Variants in MAGI2 observed in about 807,000 individuals in gnomAD.
The protein encoded by MAGI2 is membrane associated guanylate kinase, WW and PDZ domain containing 2, also known as membrane-associated guanylate kinase, WW and PDZ domain-containing protein 2.
In MAGI2, 35 loss-of-function variants were observed where a neutral mutation model predicts 133.3. That is an observed-to-expected ratio of 0.26 (90% CI 0.20 to 0.35). The LOEUF is 0.35. Ranked by LOEUF, MAGI2 falls within the 10% of genes least tolerant of loss-of-function variation. The pLI, the probability that MAGI2 is intolerant of heterozygous loss-of-function variation, is 1.00. For missense variants in MAGI2, 1,636 were observed against 1,863.4 expected (o/e 0.88, Z 2.25); for synonymous variants, 729 against 710.6 (o/e 1.03, Z -0.41).
At chr7:78,198,556 C>T (rs1042184730) in intron 11 of MAGI2, among the ~76,000 whole-genome samples, 23 of 151,982 alleles carry the variant, frequency 1.5e-4, no homozygotes, top group East Asian at 3.9e-4. Context: ...CTCAGTCTCC[C>T]GAGTAGCTGG....
intron 6 of MAGI2, chr7:78,485,704 C>A (rs1269580126): frequency 1.3e-5 from 2 of 151,974 alleles, no homozygotes; most frequent in Non-Finnish European, 1.5e-5. Context: ...CATATCTACA[C>A]ATACACTACA....
chr7:78,783,012 CTTT>C (rs11432048), intron 2 of MAGI2, among the ~76,000 whole-genome samples: 10 of 96,190 alleles, frequency 1.0e-4, no homozygotes, highest in Admixed American at 5.0e-4. Context: ...TGATTCTTAC[CTTT>C]TTTTTTTTTT....
At chr7:78,692,031 A>G (rs1817016905) in intron 2 of MAGI2, among the ~76,000 whole-genome samples, 1 of 152,098 alleles carries the variant, frequency 6.6e-6, no homozygotes, top group African/African-American at 2.4e-5. Flanking sequence ...CCTTCCTCTC[A>G]ATCTTGCTGT....
At chr7:78,782,335 T>G (rs754829439) in intron 2 of MAGI2, among the ~76,000 whole-genome samples, 2 of 152,212 alleles carry the variant, frequency 1.3e-5, no homozygotes, top group Non-Finnish European at 2.9e-5. Flanking sequence ...GTCTTTCCAT[T>G]CTTCGCTGTT....
intron 6 of MAGI2, among the ~76,000 whole-genome samples, chr7:78,451,024 T>C (rs7798901): frequency 0.14 from 21,505 of 152,066 alleles, 2,215 homozygotes; most frequent in African/African-American, 0.29. Flanking sequence ...GTAGTAGTAG[T>C]GAAATGTTGA....
chr7:78,876,432 A>C (rs1410306280), intron 2 of MAGI2, among the ~76,000 whole-genome samples: 1 of 152,060 alleles, frequency 6.6e-6, no homozygotes, highest in Non-Finnish European at 1.5e-5. Flanking sequence ...TAATCATTTG[A>C]GAAATAATGG....
At chr7:78,800,109 T>C (rs1302851079) in intron 2 of MAGI2, among the ~76,000 whole-genome samples, 1 of 152,154 alleles carries the variant, frequency 6.6e-6, no homozygotes. Flanking sequence ...CACTATTTAG[T>C]TTCCAAAAAC....
chr7:79,252,184 A>C (rs985891856), intron 1 of MAGI2, among the ~76,000 whole-genome samples: 36 of 150,920 alleles, frequency 2.4e-4, no homozygotes, highest in African/African-American at 7.5e-4. Flanking sequence ...AAAAAGAAGA[A>C]GAAGAAAAAG....
chr7:78,426,392 G>A (rs892847426), intron 6 of MAGI2, among the ~76,000 whole-genome samples: 3 of 152,006 alleles, frequency 2.0e-5, no homozygotes, highest in Non-Finnish European at 4.4e-5. Flanking sequence ...TCACTCATAG[G>A]TGGGAACTGA....
At chr7:79,158,667 C>T (rs116265880) in intron 1 of MAGI2, among the ~76,000 whole-genome samples, 2,983 of 151,992 alleles carry the variant, frequency 0.02, 87 homozygotes, top group African/African-American at 0.068. Context: ...TATAAATACC[C>T]TAAATTTAAC....
chr7:78,182,187 T>C (rs977691626), intron 13 of MAGI2, among the ~76,000 whole-genome samples: 2 of 152,168 alleles, frequency 1.3e-5, no homozygotes, highest in African/African-American at 4.8e-5. Context: ...CTTTTCCTTG[T>C]AAAGAGATCT....
intron 6 of MAGI2, among the ~76,000 whole-genome samples, chr7:78,385,950 A>T (rs1407861585): frequency 6.6e-6 from 1 of 150,870 alleles, no homozygotes; most frequent in Non-Finnish European, 1.5e-5. Context: ...AAGTAGTGCG[A>T]TTATAGTAAA....
At chr7:78,946,042 T>C (rs1398804182) in intron 2 of MAGI2, among the ~76,000 whole-genome samples, 1 of 152,184 alleles carries the variant, frequency 6.6e-6, no homozygotes, top group Non-Finnish European at 1.5e-5. Flanking sequence ...TTAAAATATT[T>C]GTAACTAGCA....
chr7:78,596,529 C>T (rs528555500), intron 3 of MAGI2, among the ~76,000 whole-genome samples: 22 of 152,198 alleles, frequency 1.4e-4, no homozygotes, highest in African/African-American at 4.8e-4. Flanking sequence ...ATGAGTAAAA[C>T]TAGGATTAAG....
rs139807528 is a variant in MAGI2, at chr7:78,830,414, A to G, written c.418+176676T>C. 1.1e-3 allele frequency among the ~76,000 whole-genome samples: 173 copies of G among 152,228 alleles called. 1 individual carries two copies. The highest frequency in any genetic ancestry group is 1.9e-3 in the Admixed American group (29 of 15,282). ...TGCCAGTCATGATTCATTATGTAAT[A>G]TATCTTATCCAATCTCTTTTTTTCT... On this transcript the variant is annotated intron_variant, in intron 2 of 21. Coordinates refer to ENST00000354212, the MANE Select transcript of MAGI2 (RefSeq NM_012301.4).
intron 2 of MAGI2, among the ~76,000 whole-genome samples, chr7:78,860,974 G>A (rs1294808446): frequency 3.3e-5 from 5 of 152,166 alleles, no homozygotes; most frequent in Admixed American, 2.6e-4. Context: ...TCGCTGCCAA[G>A]TTGCAGTTCG....
intron 3 of MAGI2, among the ~76,000 whole-genome samples, chr7:78,563,502 A>G (rs1196099818): frequency 6.6e-6 from 1 of 152,184 alleles, no homozygotes; most frequent in East Asian, 1.9e-4. Context: ...GTGAAAAACG[A>G]CAGACGAGAG....
intron 1 of MAGI2, among the ~76,000 whole-genome samples, chr7:79,051,774 T>G (rs2116994056): frequency 1.3e-5 from 2 of 152,280 alleles, no homozygotes; most frequent in South Asian, 4.1e-4. Context: ...CATGCAAAAT[T>G]ATCTTCAAAT....
intron 1 of MAGI2, among the ~76,000 whole-genome samples, chr7:79,136,109 G>GAA (rs1562929462): frequency 6.7e-6 from 1 of 150,280 alleles, no homozygotes. Flanking sequence ...AAGAAAGAAA[G>GAA]AAAGAAAGAA....
Sources: gnomAD v4.1 joint callset for allele counts (sites outside exome capture counted in the v4.1 genomes callset) on GRCh38, gnomAD v4.1.1 for gene constraint, MANE v1.5 for transcripts, NCBI Gene and HGNC (gene_info 2026-07-23, HGNC 2026-07-21) for gene names.